PLSCR5: variants seen among roughly 807,000 people sequenced by gnomAD.
PLSCR5 encodes phospholipid scramblase family member 5.
A neutral mutation model predicts 33.6 loss-of-function variants in PLSCR5; 44 were observed. The observed-to-expected ratio is 1.31, with a 90% CI of 1.03 to 1.69. PLSCR5 has a LOEUF of 1.69. Among genes scored for constraint, PLSCR5 ranks in the 40% most tolerant of loss-of-function variants. PLSCR5 has a pLI of 0.00. For missense variants in PLSCR5, 375 were observed against 318.7 expected (o/e 1.18, Z -1.34); for synonymous variants, 148 against 112.3 (o/e 1.32, Z -2.01).
At position 146,591,745 on chromosome 3, in the gene PLSCR5, C is replaced by A. The variant is rs749170196; in HGVS notation, c.590G>T (p.Gly197Val). 1 of 1,611,148 alleles carries A rather than the reference C, an allele frequency of 6.2e-7. No individual in the cohort carries two copies. The highest frequency in any genetic ancestry group is 2.2e-5 in the East Asian group (1 of 44,742). The change falls in exon 5 of 8, where the codon GGC becomes GTC. Residue 197 changes from glycine to valine, a missense_variant. Gly to Val is a moderately radical substitution (Grantham distance 109). Coordinates refer to ENST00000443512, the MANE Select transcript of PLSCR5 (RefSeq NM_001085420.2). ...LKIVGPCVTC[G>V]CFGDVDFEVK... Reference sequence around the variant, plus strand: ...CTCAAAATCCACATCGCCAAAACAGCCACATGTCACACAAGGACCAACAAT... The same window carrying A: ...CTCAAAATCCACATCGCCAAAACAGACACATGTCACACAAGGACCAACAAT...
chr3:146,597,581 G>A (rs1194254366), intron 2 of PLSCR5, among the ~76,000 whole-genome samples: 1 of 152,130 alleles, frequency 6.6e-6, no homozygotes, highest in Non-Finnish European at 1.5e-5. Flanking sequence ...CTGGATTTAA[G>A]GGAGTTGTTT....
chr3:146,591,009 TG>T (rs1361884246), intron 5 of PLSCR5, among the ~76,000 whole-genome samples: 8 of 140,274 alleles, frequency 5.7e-5, no homozygotes, highest in African/African-American at 2.0e-4. Flanking sequence ...TTTTTTTTTT[TG>T]TTTTTTTTAC....
intron 6 of PLSCR5, among the ~76,000 whole-genome samples, chr3:146,589,110 A>G (rs2107850174): frequency 6.6e-6 from 1 of 152,316 alleles, no homozygotes; most frequent in South Asian, 2.1e-4. Context: ...ACCAAAGAAG[A>G]AAAGGTTTTC....
chr3:146,581,356 T>A (rs931368698), downstream of PLSCR5, among the ~76,000 whole-genome samples: 78 of 152,236 alleles, frequency 5.1e-4, no homozygotes, highest in Admixed American at 4.1e-3. Context: ...CTTAACGTGT[T>A]GTTATCTGTT....
intron 7 of PLSCR5, among the ~76,000 whole-genome samples, chr3:146,580,579 C>T (rs147437695): frequency 0.062 from 9,322 of 150,312 alleles, 288 homozygotes; most frequent in African/African-American, 0.083. Flanking sequence ...ATTCTTCTAC[C>T]TCAGCCTCCC....
At chr3:146,595,606 A>T (rs911052787) in intron 2 of PLSCR5, among the ~76,000 whole-genome samples, 2 of 150,568 alleles carry the variant, frequency 1.3e-5, no homozygotes, top group African/African-American at 4.9e-5. Flanking sequence ...TGTCTCAATT[A>T]AAAAAAAAGA....
chr3:146,579,818 G>A (rs754933038), intron 7 of PLSCR5, among the ~76,000 whole-genome samples: 1 of 152,160 alleles, frequency 6.6e-6, no homozygotes, highest in Non-Finnish European at 1.5e-5. Flanking sequence ...GATACGTGGG[G>A]CACAGCTGAG....
chr3:146,599,715 T>C (rs2044794957), intron 2 of PLSCR5, among the ~76,000 whole-genome samples: 1 of 150,990 alleles, frequency 6.6e-6, no homozygotes, highest in African/African-American at 2.4e-5. Context: ...TCTCACTCTG[T>C]CACCCAGTCT....
intron 2 of PLSCR5, 91 bp downstream of exon 2, chr3:146,600,197 A>G (rs2044799467): frequency 9.7e-7 from 1 of 1,036,136 alleles, no homozygotes; most frequent in Non-Finnish European, 1.3e-6. Context: ...TATTGGTTAA[A>G]TTCTTTCAAC....
intron 1 of PLSCR5, among the ~76,000 whole-genome samples, chr3:146,601,041 CT>C (rs1314437036): frequency 6.7e-6 from 1 of 149,488 alleles, no homozygotes; most frequent in Non-Finnish European, 1.5e-5. Context: ...GCTATGCATC[CT>C]TTTGTAGCTC....
At chr3:146,587,976 T>C (rs1424840651) in intron 6 of PLSCR5, among the ~76,000 whole-genome samples, 1 of 152,090 alleles carries the variant, frequency 6.6e-6, no homozygotes, top group Non-Finnish European at 1.5e-5. Context: ...CAAATATCAT[T>C]AGAAGAGACT....
chr3:146,588,095 A>G (rs1454950507), intron 6 of PLSCR5, among the ~76,000 whole-genome samples: 1 of 152,136 alleles, frequency 6.6e-6, no homozygotes, highest in Non-Finnish European at 1.5e-5. Context: ...ATGATTACCA[A>G]AAGTGCATAA....
intron 5 of PLSCR5, chr3:146,590,241 G>A (rs2044702679): frequency 6.6e-6 from 1 of 152,202 alleles, no homozygotes; most frequent in South Asian, 2.1e-4. Context: ...TATTTCAGAA[G>A]GAATTAAATT....
At chr3:146,599,328 T>C (rs1034651603) in intron 2 of PLSCR5, among the ~76,000 whole-genome samples, 12 of 152,162 alleles carry the variant, frequency 7.9e-5, no homozygotes, top group African/African-American at 2.9e-4. Context: ...ATGTTCACTT[T>C]ATAACCGCTT....
At chr3:146,595,999 C>G (rs1056573981) in intron 2 of PLSCR5, among the ~76,000 whole-genome samples, 2 of 151,964 alleles carry the variant, frequency 1.3e-5, no homozygotes, top group African/African-American at 4.8e-5. Context: ...CAATTTAAGT[C>G]AAATAAATGT....
chr3:146,589,562 TA>T, intron 6 of PLSCR5, 90 bp downstream of exon 6: 1 of 1,205,374 alleles, frequency 8.3e-7, no homozygotes, highest in Non-Finnish European at 1.1e-6. Context: ...TCTTTGGGGG[TA>T]AAAACTGTGT....
At chr3:146,580,429 T>C (rs112792395) in intron 7 of PLSCR5, among the ~76,000 whole-genome samples, 163 of 150,332 alleles carry the variant, frequency 1.1e-3, no homozygotes, top group African/African-American at 3.8e-3. Context: ...GCCCAGTTGC[T>C]CTTGACTCAG....
intron 1 of PLSCR5, 114 bp downstream of exon 1, chr3:146,605,086 G>A: frequency 1.8e-6 from 2 of 1,096,218 alleles, no homozygotes; most frequent in Non-Finnish European, 2.6e-6. Flanking sequence ...ATGTTCAAAA[G>A]TGACAAATGA....
intron 1 of PLSCR5, among the ~76,000 whole-genome samples, chr3:146,603,582 C>T (rs957384132): frequency 8.5e-5 from 13 of 152,098 alleles, no homozygotes; most frequent in Non-Finnish European, 1.9e-4. Flanking sequence ...CATAATATTA[C>T]TTTCCAGTCA....
Sources: allele counts gnomAD v4.1 joint callset (sites outside exome capture counted in the v4.1 genomes callset), GRCh38; gene constraint gnomAD v4.1.1; transcripts MANE v1.5; gene names NCBI Gene and HGNC (gene_info 2026-07-23, HGNC 2026-07-21).